The following TET3 variants were observed in gnomAD, a reference collection of about 807,000 sequenced individuals.
TET3 encodes the protein tet methylcytosine dioxygenase 3.
In TET3, 19 loss-of-function variants were observed where a neutral mutation model predicts 141.4. The observed-to-expected ratio is 0.13, with a 90% CI of 0.09 to 0.20. The LOEUF (loss-of-function observed/expected upper bound fraction) is 0.20, where lower values mean the gene tolerates loss of function less well. Ranked by LOEUF, TET3 falls within the 10% of genes least tolerant of loss-of-function variation. The probability of loss-of-function intolerance (pLI) is 1.00; values close to 1 mark genes in which losing one functional copy is unlikely to be tolerated. For synonymous variants in TET3, 1,043 were observed against 980.9 expected (o/e 1.06, Z -1.18); for missense variants, 1,874 against 2,356.9 (o/e 0.80, Z 4.24).
chr2:74,043,444 G>A (rs568140331), intron 3 of TET3, among the ~76,000 whole-genome samples: 14 of 152,294 alleles, frequency 9.2e-5, no homozygotes, highest in African/African-American at 2.9e-4. Flanking sequence ...ACCATCAAGT[G>A]GGGGAGGGAG....
At chr2:74,079,572 C>G (rs1409086233) in intron 5 of TET3, among the ~76,000 whole-genome samples, 2 of 152,210 alleles carry the variant, frequency 1.3e-5, no homozygotes, top group Non-Finnish European at 2.9e-5. Context: ...ATGCCAGGAA[C>G]TTCAAAGCAC....
chr2:73,986,481 G>C lies in TET3; in HGVS notation c.78G>C (p.Met26Ile), dbSNP rs1441895234. Residue 26 changes from methionine (M) to isoleucine (I), a missense_variant, in exon 2 of 12, where the codon ATG (methionine) becomes ATC (isoleucine). Physicochemically the swap from Met to Ile is conservative, Grantham distance 10. Transcript: ENST00000409262. ...GLYDFPQRQVMVGSFPGSGLS... is the reference protein window; with the variant it reads ...GLYDFPQRQVIVGSFPGSGLS... ...ATGACTTCCCTCAGCGCCAGGTGAT[G>C]GTAGGGAGCTTCCCGGGGTCTGGGC... The C allele has an allele frequency of 2.5e-5, 31 of 1,232,190 alleles. No individual in the cohort carries two copies. Among genetic ancestry groups the C allele is most frequent in the Non-Finnish European group, 2.9e-5 (29 of 988,024 alleles). 76.3% of individuals were successfully genotyped at this position (1,232,190 alleles called of 1,614,324 possible). A position where few individuals can be genotyped will look rare whatever the true frequency, so the allele number is the denominator to read the frequency against.
chr2:74,080,429 C>T (rs1689744289), intron 5 of TET3, 69 bp from the exon 6 acceptor site: 1 of 1,412,100 alleles, frequency 7.1e-7, no homozygotes, highest in Non-Finnish European at 9.8e-7. Context: ...CTGAGGCTGT[C>T]TTCTGACCAA....
In TET3 at chr2:74,101,813, C is replaced by T. The variant is rs1331369659; in HGVS notation, c.5025C>T (p.Thr1675=). Residue 1675 remains threonine, a synonymous_variant, in exon 12 of 12, where the codon ACC becomes ACT. Coordinates refer to ENST00000409262, the MANE Select transcript of TET3 (RefSeq NM_001287491.2). This position sits in a 1 kb window ranked among gnomAD's most constrained non-coding sequence, Gnocchi z 8.5. The part of the protein sequence containing the change: ...IECARRELHA[T]TPLKKPNRCH... ...GTGCCCGGCGGGAGCTGCACGCCAC[C>T]ACGCCGCTTAAGAAGCCCAACCGCT... 6.2e-7 allele frequency: 1 copy of T among 1,612,864 alleles called. No individual in the cohort carries two copies. Among genetic ancestry groups the T allele is most frequent in the Admixed American group, 1.7e-5 (1 of 60,000 alleles).
chr2:74,047,706 C>G lies in TET3; in HGVS notation c.1789C>G (p.Pro597Ala), dbSNP rs573840968. The change falls in exon 4 of 12, where the codon CCT (proline) becomes GCT (alanine). Residue 597 changes from proline (P) to alanine (A), a missense_variant. Transcript: ENST00000409262. ...TCCCGTGGGAACGGAGAAAGCTGCC[C>G]CTGGGATCAAGCCCAGTGTCCGAAA... ...GGPVGTEKAAPGIKPSVRKPI... is the reference protein window; with the variant it reads ...GGPVGTEKAAAGIKPSVRKPI... The G allele has an allele frequency of 6.2e-7, 1 of 1,613,416 alleles. No homozygotes were observed. Among genetic ancestry groups the G allele is most frequent in the African/African-American group, 1.3e-5 (1 of 75,028 alleles).
intron 7 of TET3, among the ~76,000 whole-genome samples, chr2:74,089,364 C>T (rs1690346464): frequency 6.6e-6 from 1 of 152,164 alleles, no homozygotes; most frequent in South Asian, 2.1e-4. Context: ...AGTCGTAATC[C>T]ACTGTGTGGA....
At chr2:74,116,660 GAGC>G in the TET3 span, among the ~76,000 whole-genome samples, 1 of 140,986 alleles carries the variant, frequency 7.1e-6, no homozygotes, top group Non-Finnish European at 1.5e-5. Context: ...ACTCCAGCCT[GAGC>G]AGCAGAGTGA....
intron 3 of TET3, among the ~76,000 whole-genome samples, chr2:74,010,632 A>C (rs1187046124): frequency 6.6e-6 from 1 of 152,242 alleles, no homozygotes; most frequent in Non-Finnish European, 1.5e-5. Flanking sequence ...CCTGGGCCCC[A>C]GCATTTTTCA....
chr2:74,048,422 C>G lies in TET3; in HGVS notation c.2494+11C>G. On this transcript the variant is annotated intron_variant, in intron 4 of 11. Transcript: ENST00000409262. ...CCTGCGATTGCGTCGGTAAGTCCGC[C>G]TGGGTATCAGGGAAGGGCAGAGAAA... is the stretch of plus-strand genomic sequence containing the variant. 6.3e-7 allele frequency: 1 copy of G among 1,596,962 alleles called. No homozygotes were observed. The highest frequency in any genetic ancestry group is 1.1e-5 in the South Asian group (1 of 89,384).
chr2:74,096,128 G>A (rs1156460155), intron 10 of TET3, among the ~76,000 whole-genome samples: 1 of 152,082 alleles, frequency 6.6e-6, no homozygotes, highest in Non-Finnish European at 1.5e-5. Flanking sequence ...ATCTCTTGTA[G>A]GAAATACAGC....
Position 74,047,773 on chromosome 2 carries a change from C to A in TET3, c.1856C>A (p.Pro619His). The change falls in exon 4 of 12, where the codon CCC becomes CAC. Residue 619 changes from proline (P) to histidine (H), a missense_variant. By Grantham distance (77) the Pro-to-His change is moderately conservative. Transcript: ENST00000409262. ...IKKSRPREAQ[P>H]LFPPVRQIVL... ...AAGTCCAGGCCCCGGGAAGCACAGC[C>A]CCTCTTCCCACCTGTCCGACAGATT... 6.2e-7 allele frequency: 1 copy of A among 1,613,814 alleles called. No individual in the cohort carries two copies. Among genetic ancestry groups the A allele is most frequent in the Non-Finnish European group, 8.5e-7 (1 of 1,179,822 alleles).
At chr2:74,003,227 CGG>C (rs1427224999) in intron 3 of TET3, 61 bp downstream of exon 3, 1 of 1,541,948 alleles carries the variant, frequency 6.5e-7, no homozygotes, top group Non-Finnish European at 8.8e-7. Flanking sequence ...AGTGTTTGAC[CGG>C]ATTGGATAAA....
At chr2:74,114,948 C>A in the TET3 span, among the ~76,000 whole-genome samples, 1 of 146,452 alleles carries the variant, frequency 6.8e-6, no homozygotes, top group Non-Finnish European at 1.5e-5. Flanking sequence ...TACAAAAAAT[C>A]AACTCAAAAT....
chr2:74,133,854 C>T, the TET3 span, among the ~76,000 whole-genome samples: 30 of 152,322 alleles, frequency 2.0e-4, no homozygotes, highest in African/African-American at 6.7e-4. Flanking sequence ...AAGCGATTCT[C>T]CTGCCTCAGC....
At chr2:74,033,892 TCGAGAC>T (rs1686886740) in intron 3 of TET3, among the ~76,000 whole-genome samples, 2 of 152,084 alleles carry the variant, frequency 1.3e-5, no homozygotes, top group African/African-American at 4.8e-5. Flanking sequence ...GGTCAGGAAT[TCGAGAC>T]CAGCCTGGCC....
chr2:74,016,739 C>A (rs912667820), intron 3 of TET3, among the ~76,000 whole-genome samples: 31 of 146,836 alleles, frequency 2.1e-4, no homozygotes, highest in Non-Finnish European at 3.7e-4. Context: ...AACAAACAAA[C>A]AAAAAAATAA....
chr2:74,003,265 C>T (rs2105146316), intron 3 of TET3, 99 bp downstream of exon 3: 1 of 1,455,780 alleles, frequency 6.9e-7, no homozygotes, highest in South Asian at 1.3e-5. Flanking sequence ...CTGGTGATCC[C>T]TTAATCTCCC....
rs1288076164 is a variant in TET3, at chr2:74,099,583, T to C, written c.3575T>C (p.Leu1192Pro). ...STPEKIKQEA[L>P]ELAGITSDPG... is the part of the protein sequence containing the mutation. ...CCGGAGAAGATCAAGCAGGAGGCCC[T>C]GGAGCTGGCGGGCATTACGTCGGAC... Residue 1192 changes from leucine (L) to proline (P), a missense_variant, in exon 11 of 12, where the codon CTG (leucine) becomes CCG (proline). Physicochemically the swap from Leu to Pro is moderately conservative, Grantham distance 98. Transcript: ENST00000409262. 1 of 1,595,478 alleles carries C rather than the reference T, an allele frequency of 6.3e-7. No homozygotes were observed. Among genetic ancestry groups the C allele is most frequent in the Non-Finnish European group, 8.6e-7 (1 of 1,169,214 alleles).
At chr2:73,984,817 C>T (rs996951719), upstream of TET3, among the ~76,000 whole-genome samples, 13 of 146,854 alleles carry the variant, frequency 8.9e-5, no homozygotes, top group Non-Finnish European at 1.8e-4. This position sits in a 1 kb window ranked among gnomAD's most constrained non-coding sequence, Gnocchi z 5.6. Context: ...GGGGCCCGGC[C>T]GGGCCGGCGG....
Sources: allele counts gnomAD v4.1 joint callset (sites outside exome capture counted in the v4.1 genomes callset), GRCh38; gene constraint gnomAD v4.1.1; non-coding constraint Gnocchi (gnomAD v3.1); transcripts MANE v1.5; gene names NCBI Gene and HGNC (gene_info 2026-07-23, HGNC 2026-07-21).